The following ADGRL3 variants were observed in gnomAD, a reference collection of about 807,000 sequenced individuals.
ADGRL3 encodes the protein adhesion G protein-coupled receptor L3, also known as calcium-independent alpha-latrotoxin receptor 3.
ADGRL3 carries 62 observed loss-of-function variants against 153.5 expected under a neutral mutation model. The ratio of observed to expected loss-of-function variants is 0.40; its 90% CI spans 0.33 to 0.50. The LOEUF is 0.50. ADGRL3 is among the 20% of genes least tolerant of loss of function. The pLI is 0.47. For synonymous variants in ADGRL3, 710 were observed against 672.5 expected, an observed-to-expected ratio of 1.06 and a Z score of -0.86; for missense variants, 1,641 against 1,859.4, an observed-to-expected ratio of 0.88 and a Z score of 2.16.
intron 13 of ADGRL3, among the ~76,000 whole-genome samples, chr4:61,917,817 A>T (rs146479352): frequency 6.6e-6 from 1 of 151,984 alleles, no homozygotes; most frequent in African/African-American, 2.4e-5. Flanking sequence ...AAAGTTCCTG[A>T]AATGGAAATA....
At chr4:61,554,639 A>G (rs965779886) in intron 4 of ADGRL3, among the ~76,000 whole-genome samples, 3 of 152,192 alleles carry the variant, frequency 2.0e-5, no homozygotes, top group Non-Finnish European at 2.9e-5. Flanking sequence ...TTTGAAAAAA[A>G]TTGCTGAGTA....
intron 14 of ADGRL3, 93 bp downstream of exon 14, chr4:61,935,116 G>A (rs1438639215): frequency 3.6e-5 from 36 of 1,012,840 alleles, no homozygotes; most frequent in Non-Finnish European, 5.2e-5. Flanking sequence ...AGATATGAGT[G>A]ATGCTTTATT....
chr4:61,463,522 A>G (rs947867103), intron 2 of ADGRL3, among the ~76,000 whole-genome samples: 1 of 152,138 alleles, frequency 6.6e-6, no homozygotes, highest in Non-Finnish European at 1.5e-5. Flanking sequence ...GTCACCTACC[A>G]TCAGTCCCTC....
At chr4:61,380,153 GTGTGTA>G (rs1388969678) in intron 1 of ADGRL3, among the ~76,000 whole-genome samples, 1 of 150,092 alleles carries the variant, frequency 6.7e-6, no homozygotes, top group Non-Finnish European at 1.5e-5. Context: ...ATGTAAAAAT[GTGTGTA>G]TGTATATGTA....
chr4:61,775,705 A>C, intron 8 of ADGRL3: 1 of 1,349,268 alleles, frequency 7.4e-7, no homozygotes, highest in Non-Finnish European at 1.1e-6. Context: ...AAGCACACAA[A>C]GGTGGGCTTG....
intron 2 of ADGRL3, among the ~76,000 whole-genome samples, chr4:61,398,066 T>C (rs2096888818): frequency 6.6e-6 from 1 of 151,888 alleles, no homozygotes; most frequent in Non-Finnish European, 1.5e-5. Flanking sequence ...AATAAAGCGA[T>C]ATTGGTTTTG....
At chr4:62,052,230 AT>A (rs1460250271) in intron 25 of ADGRL3, among the ~76,000 whole-genome samples, 2 of 151,676 alleles carry the variant, frequency 1.3e-5, no homozygotes, top group Non-Finnish European at 3.0e-5. Context: ...TTCTTTTCAT[AT>A]AATGACAATT....
chr4:61,995,956 G>C (rs1013190753), intron 19 of ADGRL3, among the ~76,000 whole-genome samples: 1 of 152,058 alleles, frequency 6.6e-6, no homozygotes, highest in African/African-American at 2.4e-5. Flanking sequence ...GAAAAGGATA[G>C]CTTAAAGCTA....
intron 6 of ADGRL3, among the ~76,000 whole-genome samples, chr4:61,695,704 A>G (rs1460102843): frequency 2.6e-5 from 4 of 152,286 alleles, no homozygotes; most frequent in Non-Finnish European, 4.4e-5. Flanking sequence ...CTAGAAATGT[A>G]CTAGATAGCG....
intron 5 of ADGRL3, among the ~76,000 whole-genome samples, chr4:61,627,754 A>G (rs2092920196): frequency 1.3e-5 from 2 of 152,214 alleles, no homozygotes; most frequent in South Asian, 4.1e-4. Context: ...CGAAGGGGAT[A>G]GTACCCTTCT....
chr4:61,306,657 G>T (rs539441864), intron 1 of ADGRL3, among the ~76,000 whole-genome samples: 28 of 152,216 alleles, frequency 1.8e-4, no homozygotes, highest in Middle Eastern at 6.8e-3. Context: ...ATTAGCCTGT[G>T]CTTTAAAAAA....
intron 1 of ADGRL3, among the ~76,000 whole-genome samples, chr4:61,323,053 C>A (rs1438214229): frequency 6.6e-6 from 1 of 152,224 alleles, no homozygotes; most frequent in South Asian, 2.1e-4. Context: ...AACCTTAATT[C>A]TTGATTGCTG....
At chr4:61,975,798 G>A (rs949825426) in intron 17 of ADGRL3, among the ~76,000 whole-genome samples, 4 of 152,274 alleles carry the variant, frequency 2.6e-5, no homozygotes, top group African/African-American at 4.8e-5. Flanking sequence ...GAAGGAAATA[G>A]AGGAGTCAAT....
At chr4:61,570,613 T>A (rs981725350) in intron 4 of ADGRL3, among the ~76,000 whole-genome samples, 1 of 152,184 alleles carries the variant, frequency 6.6e-6, no homozygotes, top group African/African-American at 2.4e-5. Context: ...CCATTACACT[T>A]ACCACTAATG....
In ADGRL3 at chr4:61,796,983, G is replaced by T. The variant is rs2097422854; in HGVS notation, c.1400-16826G>T. ...TCCCCTTATCTTTAGCATTTCTAAA[G>T]TTCAGCATTCACAGCCTTCCCTTTC... On this transcript the variant is annotated intron_variant, in intron 8 of 26. Coordinates refer to ENST00000683033, the MANE Select transcript of ADGRL3 (RefSeq NM_001387552.1). Among the ~76,000 whole-genome samples the T allele has an allele frequency of 2.0e-5, 3 of 152,144 alleles. No homozygotes were observed. The South Asian group carries it at 6.2e-4, about 32-fold the overall frequency.
At chr4:61,577,548 C>G (rs1243260153) in intron 4 of ADGRL3, among the ~76,000 whole-genome samples, 1 of 151,852 alleles carries the variant, frequency 6.6e-6, no homozygotes, top group East Asian at 1.9e-4. Context: ...AGGTGGCTTG[C>G]CCCTGTAATC....
chr4:61,863,704 G>A (rs2098372171), intron 9 of ADGRL3, among the ~76,000 whole-genome samples: 1 of 152,100 alleles, frequency 6.6e-6, no homozygotes, highest in Non-Finnish European at 1.5e-5. Flanking sequence ...AGTTGTGGGA[G>A]GAATTTAGGC....
At chr4:61,570,112 GATC>G (rs577092931) in intron 4 of ADGRL3, among the ~76,000 whole-genome samples, 77 of 152,180 alleles carry the variant, frequency 5.1e-4, no homozygotes, top group African/African-American at 1.7e-3. Flanking sequence ...TAATTCATAT[GATC>G]ATCATTTACA....
At chr4:61,616,724 A>G (rs962706346) in intron 5 of ADGRL3, among the ~76,000 whole-genome samples, 7 of 152,168 alleles carry the variant, frequency 4.6e-5, no homozygotes, top group Non-Finnish European at 7.3e-5. Context: ...TCCTCATGCT[A>G]TATGATGTGC....
Sources: allele counts gnomAD v4.1 joint callset (sites outside exome capture counted in the v4.1 genomes callset), GRCh38; gene constraint gnomAD v4.1.1; transcripts MANE v1.5; gene names NCBI Gene and HGNC (gene_info 2026-07-23, HGNC 2026-07-21).